ARHGAP26: variants seen among roughly 807,000 people sequenced by gnomAD.
ARHGAP26 encodes rho GTPase-activating protein 26.
A neutral mutation model predicts 104.8 loss-of-function variants in ARHGAP26; 38 were observed. That is an observed-to-expected ratio of 0.36 (90% CI 0.28 to 0.48). ARHGAP26 has a LOEUF of 0.48. Ranked by LOEUF, ARHGAP26 falls within the 20% of genes least tolerant of loss-of-function variation. ARHGAP26 has a pLI of 0.99. For synonymous variants in ARHGAP26, 341 were observed against 340.0 expected, an observed-to-expected ratio of 1.00 and a Z score of -0.03; for missense variants, 704 against 947.9, an observed-to-expected ratio of 0.74 and a Z score of 3.38.
At chr5:142,792,417 C>G (rs1342933295) in intron 1 of ARHGAP26, among the ~76,000 whole-genome samples, 1 of 152,196 alleles carries the variant, frequency 6.6e-6, no homozygotes, top group African/African-American at 2.4e-5. Context: ...TTGTGGAACA[C>G]TACCATTCTT....
intron 9 of ARHGAP26, among the ~76,000 whole-genome samples, chr5:142,910,717 C>T (rs770437301): frequency 7.2e-5 from 11 of 151,990 alleles, no homozygotes; most frequent in South Asian, 2.1e-4. Context: ...CCAGCCTGGG[C>T]GACAGTGCGA....
intron 1 of ARHGAP26, among the ~76,000 whole-genome samples, chr5:142,800,560 A>C (rs1026680498): frequency 1.8e-4 from 27 of 152,040 alleles, no homozygotes; most frequent in African/African-American, 5.8e-4. Flanking sequence ...TCGGGGTTTC[A>C]CCATGTTGGT....
rs190103100 is a variant in ARHGAP26 at position 143,133,994 on chromosome 5, C to T, written c.1726C>T (p.Leu576Phe). 266 of 1,612,612 alleles carry T rather than the reference C, an allele frequency of 1.6e-4. No homozygotes were observed. The highest frequency in any genetic ancestry group is 2.0e-4 in the Non-Finnish European group (241 of 1,179,220). The change falls in exon 19 of 23, where the codon CTC (leucine) becomes TTC (phenylalanine). Residue 576 changes from leucine to phenylalanine, a missense_variant. Coordinates refer to ENST00000645722, the MANE Select transcript of ARHGAP26 (RefSeq NM_001135608.3). ...KIFNTVPDMP[L>F]TNAQLHLSRK... ...ATTTAACACCGTGCCCGATATGCCT[C>T]TCACCAATGCCCAGCTGCACCTGTC...
At chr5:142,975,778 A>C (rs1234624913) in intron 11 of ARHGAP26, among the ~76,000 whole-genome samples, 1 of 152,248 alleles carries the variant, frequency 6.6e-6, no homozygotes, top group Non-Finnish European at 1.5e-5. Flanking sequence ...AAGTAGCTCC[A>C]GTCTTTGTGT....
intron 1 of ARHGAP26, among the ~76,000 whole-genome samples, chr5:142,858,113 G>A (rs1400806989): frequency 6.8e-6 from 1 of 146,114 alleles, no homozygotes; most frequent in Non-Finnish European, 1.5e-5. Context: ...GAGAGAGAGG[G>A]AGTGTGTGTG....
At chr5:142,963,188 A>ATATATATATATACACATATATATATG (rs1562164689) in intron 11 of ARHGAP26, among the ~76,000 whole-genome samples, 2 of 109,782 alleles carry the variant, frequency 1.8e-5, no homozygotes, top group African/African-American at 1.0e-4. Context: ...ATATATATAT[A>ATATATATATATACACATATATATATG]TATATATATA....
intron 17 of ARHGAP26, among the ~76,000 whole-genome samples, chr5:143,102,818 ATTTTCAGTACTT>A (rs1421151464): frequency 6.6e-6 from 1 of 151,592 alleles, no homozygotes; most frequent in Non-Finnish European, 1.5e-5. Context: ...GCCCTTGATA[ATTTTCAGTACTT>A]TTTTCACCTC....
At chr5:143,083,084 C>T (rs1313726534) in intron 17 of ARHGAP26, among the ~76,000 whole-genome samples, 1 of 152,220 alleles carries the variant, frequency 6.6e-6, no homozygotes, top group Admixed American at 6.5e-5. Flanking sequence ...AAGGCAGTCT[C>T]TATGTATCTT....
intron 11 of ARHGAP26, among the ~76,000 whole-genome samples, chr5:142,933,197 G>A (rs976164058): frequency 1.3e-5 from 2 of 152,188 alleles, no homozygotes; most frequent in Non-Finnish European, 2.9e-5. Context: ...GCTATTTGAT[G>A]TCAAAGGCCT....
At chr5:142,996,497 A>T (rs1342363008) in intron 11 of ARHGAP26, among the ~76,000 whole-genome samples, 1 of 152,200 alleles carries the variant, frequency 6.6e-6, no homozygotes, top group Non-Finnish European at 1.5e-5. Flanking sequence ...TGTCTTGAAA[A>T]TTAAAAAAAG....
At chr5:143,124,956 C>G (rs1420483459) in intron 18 of ARHGAP26, among the ~76,000 whole-genome samples, 1 of 152,200 alleles carries the variant, frequency 6.6e-6, no homozygotes, top group Non-Finnish European at 1.5e-5. Flanking sequence ...TTTTCCGCCT[C>G]CTCTCTGCAT....
intron 17 of ARHGAP26, among the ~76,000 whole-genome samples, chr5:143,065,700 C>T (rs1392004294): frequency 3.3e-5 from 5 of 152,220 alleles, no homozygotes; most frequent in African/African-American, 1.2e-4. Context: ...GTGGGCTCCG[C>T]TGCCCTTCCT....
At chr5:143,017,293 T>C (rs1260846437) in intron 12 of ARHGAP26, among the ~76,000 whole-genome samples, 1 of 152,238 alleles carries the variant, frequency 6.6e-6, no homozygotes, top group Admixed American at 6.5e-5. Context: ...CTGTGGAGTA[T>C]AAGACAGGGC....
chr5:142,789,935 C>T (rs998670380), intron 1 of ARHGAP26, among the ~76,000 whole-genome samples: 3 of 152,124 alleles, frequency 2.0e-5, no homozygotes, highest in South Asian at 2.1e-4. Flanking sequence ...CATAAGAAGC[C>T]GATTGCCCTA....
At chr5:142,971,779 T>TA (rs1647549989) in intron 11 of ARHGAP26, among the ~76,000 whole-genome samples, 1 of 152,216 alleles carries the variant, frequency 6.6e-6, no homozygotes, top group African/African-American at 2.4e-5. Context: ...AGCACCAAGC[T>TA]AATCTGAGAG....
intron 18 of ARHGAP26, among the ~76,000 whole-genome samples, chr5:143,129,118 A>G (rs1387249004): frequency 1.3e-5 from 2 of 152,226 alleles, no homozygotes; most frequent in Non-Finnish European, 2.9e-5. Flanking sequence ...TGAAATTTAA[A>G]TTTTGTAGAC....
At chr5:142,976,212 A>T (rs1233569132) in intron 11 of ARHGAP26, among the ~76,000 whole-genome samples, 1 of 152,230 alleles carries the variant, frequency 6.6e-6, no homozygotes, top group Admixed American at 6.5e-5. Flanking sequence ...ATACATGGTG[A>T]TGCTTCCATA....
intron 10 of ARHGAP26, among the ~76,000 whole-genome samples, chr5:142,920,814 C>G (rs189455212): frequency 2.0e-5 from 3 of 152,314 alleles, no homozygotes; most frequent in East Asian, 1.9e-4. Flanking sequence ...GGTATAAACA[C>G]CAGGATGTTG....
At chr5:143,040,813 G>T (rs1783353870) in intron 13 of ARHGAP26, among the ~76,000 whole-genome samples, 1 of 152,256 alleles carries the variant, frequency 6.6e-6, no homozygotes, top group Non-Finnish European at 1.5e-5. Flanking sequence ...AGGAAGGCCA[G>T]TGTGTGGAGC....
Sources: allele counts gnomAD v4.1 joint callset (sites outside exome capture counted in the v4.1 genomes callset), GRCh38; gene constraint gnomAD v4.1.1; transcripts MANE v1.5; gene names NCBI Gene and HGNC (gene_info 2026-07-23, HGNC 2026-07-21).